MRTFA: variants seen among roughly 807,000 people sequenced by gnomAD.
MRTFA encodes myocardin-related transcription factor A.
A neutral mutation model predicts 83.5 loss-of-function variants in MRTFA; 20 were observed. The ratio of observed to expected loss-of-function variants is 0.24; its 90% confidence interval spans 0.17 to 0.35. The LOEUF is 0.35. MRTFA is among the 10% of genes least tolerant of loss of function. The pLI is 1.00. For missense variants in MRTFA, 1,200 were observed against 1,224.7 expected (o/e 0.98, Z 0.30); for synonymous variants, 659 against 541.2 (o/e 1.22, Z -3.02).
At chr22:40,480,594 T>C (rs1297434194) in intron 3 of MRTFA, among the ~76,000 whole-genome samples, 1 of 152,078 alleles carries the variant, frequency 6.6e-6, no homozygotes, top group Non-Finnish European at 1.5e-5. Flanking sequence ...AAAACAATGC[T>C]TATGTTCTAA....
chr22:40,426,251 G>A (rs1168627020), intron 7 of MRTFA, among the ~76,000 whole-genome samples: 1 of 151,848 alleles, frequency 6.6e-6, no homozygotes, highest in Non-Finnish European at 1.5e-5. Context: ...TGCCTCTCCT[G>A]AGCCAAACCT....
At chr22:40,555,674 T>G (rs2055511346) in intron 2 of MRTFA, among the ~76,000 whole-genome samples, 1 of 151,668 alleles carries the variant, frequency 6.6e-6, no homozygotes, top group South Asian at 2.1e-4. Context: ...TCTCGCTCTG[T>G]TGCCCAGCCT....
chr22:40,511,275 C>T (rs1031479957), intron 3 of MRTFA, among the ~76,000 whole-genome samples: 7 of 151,998 alleles, frequency 4.6e-5, no homozygotes, highest in African/African-American at 7.3e-5. Context: ...ACAAGTACAA[C>T]AAGAAAGGAG....
chr22:40,502,363 C>A (rs1270882743), intron 3 of MRTFA, among the ~76,000 whole-genome samples: 1 of 110,970 alleles, frequency 9.0e-6, no homozygotes, highest in South Asian at 3.4e-4. Context: ...CGGGCAGAGA[C>A]GCTCCTCACC....
chr22:40,471,037 C>G (rs984709528), intron 3 of MRTFA, among the ~76,000 whole-genome samples: 2 of 151,502 alleles, frequency 1.3e-5, no homozygotes, highest in Non-Finnish European at 2.9e-5. Flanking sequence ...AATTGATAAA[C>G]CTTTACCTAG....
At chr22:40,587,471 G>A in intron 2 of MRTFA, 2 of 328,954 alleles carry the variant, frequency 6.1e-6, no homozygotes, top group South Asian at 5.1e-5. Flanking sequence ...GCCCTTTTTT[G>A]TATCACTCCA....
chr22:40,423,423 G>A lies in MRTFA; in HGVS notation c.927+113C>T, dbSNP rs761295511. On this transcript the variant is annotated intron_variant, in intron 9 of 14. Coordinates refer to ENST00000355630, the MANE Select transcript of MRTFA (RefSeq NM_020831.6). ...ACGGGAAGAAACTCCCAGACCAATGGGAGAAGACACGCACCACACCCTCTA... is the reference window on the plus strand; with the variant it reads ...ACGGGAAGAAACTCCCAGACCAATGAGAGAAGACACGCACCACACCCTCTA... 43 of 1,004,030 alleles carry A rather than the reference G, an allele frequency of 4.3e-5. No individual in the cohort carries two copies. In the Middle Eastern group the frequency reaches 1.1e-3, roughly 25 times the overall value. The allele number at this position is 1,004,030 out of a possible 1,614,324, so 62.2% of individuals were successfully genotyped here.
chr22:40,519,129 A>G (rs779504589), intron 3 of MRTFA, among the ~76,000 whole-genome samples: 1 of 151,714 alleles, frequency 6.6e-6, no homozygotes, highest in Non-Finnish European at 1.5e-5. Context: ...CTCCTGCATG[A>G]TCTCTTTTAA....
intron 1 of MRTFA, among the ~76,000 whole-genome samples, chr22:40,618,749 A>C (rs1435486451): frequency 6.6e-6 from 1 of 152,060 alleles, no homozygotes; most frequent in Non-Finnish European, 1.5e-5. Flanking sequence ...AGATCACTTG[A>C]GGTCAGGAAT....
chr22:40,557,633 T>C (rs922552852), intron 2 of MRTFA, among the ~76,000 whole-genome samples: 2 of 152,058 alleles, frequency 1.3e-5, no homozygotes, highest in African/African-American at 4.8e-5. Context: ...AAATAGTTTT[T>C]AAAAATTTTA....
intron 8 of MRTFA, 67 bp downstream of exon 8, chr22:40,424,139 G>C: frequency 6.8e-7 from 1 of 1,464,524 alleles, no homozygotes; most frequent in Non-Finnish European, 9.0e-7. Context: ...TGGCCCAGGA[G>C]AGAGACCTTA....
At chr22:40,464,477 C>G (rs1199546595) in intron 3 of MRTFA, among the ~76,000 whole-genome samples, 1 of 151,068 alleles carries the variant, frequency 6.6e-6, no homozygotes, top group Non-Finnish European at 1.5e-5. Context: ...CCACTGCACT[C>G]CAGCCTGGGC....
Position 40,578,606 on chromosome 22 carries a change from C to G in MRTFA, c.-22+16068G>C, listed in dbSNP as rs550709835. Among the ~76,000 whole-genome samples, 188 of 152,108 alleles carry G rather than the reference C, an allele frequency of 1.2e-3. 1 individual carries two copies. Among genetic ancestry groups the G allele is most frequent in the African/African-American group, 4.4e-3 (182 of 41,502 alleles). ...ATGTAGTGAGACCCCACTCCATTCT[C>G]TCAAAATTTTTTTTTAGAAAAGTAG... On this transcript the variant is annotated intron_variant, in intron 2 of 14. Transcript: ENST00000355630.
Position 40,424,496 on chromosome 22 carries a change from G to A in MRTFA, c.602-115C>T, listed in dbSNP as rs565632057. 35 of 1,123,246 alleles carry A rather than the reference G, an allele frequency of 3.1e-5. 1 individual carries two copies. The highest frequency in any genetic ancestry group is 1.8e-4 in the South Asian group (12 of 68,262). The allele number at this position is 1,123,246 out of a possible 1,614,324, so 69.6% of individuals were successfully genotyped here. On this transcript the variant is annotated intron_variant, in intron 7 of 14. Coordinates refer to ENST00000355630, the MANE Select transcript of MRTFA (RefSeq NM_020831.6). Reference sequence around the variant, plus strand: ...GCCTGGCCCACAGCCCACATGCCCCGTGAGGCAGGCAAGCCGAGGAGACTA... The same window carrying A: ...GCCTGGCCCACAGCCCACATGCCCCATGAGGCAGGCAAGCCGAGGAGACTA...
At chr22:40,626,991 T>G (rs1384791202) in intron 1 of MRTFA, among the ~76,000 whole-genome samples, 1 of 152,026 alleles carries the variant, frequency 6.6e-6, no homozygotes, top group Non-Finnish European at 1.5e-5. Context: ...AGGACAACTT[T>G]CCAAGTTCCT....
At chr22:40,530,548 C>T (rs2055060234) in intron 3 of MRTFA, among the ~76,000 whole-genome samples, 1 of 152,260 alleles carries the variant, frequency 6.6e-6, no homozygotes, top group Non-Finnish European at 1.5e-5. Flanking sequence ...CCACCTGCCT[C>T]GGCTTCCTAA....
intron 3 of MRTFA, among the ~76,000 whole-genome samples, chr22:40,471,813 A>G (rs1851743296): frequency 6.6e-6 from 1 of 152,196 alleles, no homozygotes; most frequent in South Asian, 2.1e-4. Context: ...TCGAGGCTGT[A>G]GTGAGCTGAG....
At position 40,424,469 on chromosome 22, in the gene MRTFA, G is replaced by A. The variant is rs866833985; in HGVS notation, c.602-88C>T. ...GCCTGGCTCGCAGGCCACAGGCAGA[G>A]TGCCTGGCCCACAGCCCACATGCCC... is the stretch of plus-strand genomic sequence containing the variant. On this transcript the variant is annotated intron_variant, in intron 7 of 14. Transcript: ENST00000355630. 5.5e-5 allele frequency: 77 copies of A among 1,408,268 alleles called. No individual in the cohort carries two copies. In the Middle Eastern group the frequency reaches 7.9e-4, roughly 14 times the overall value. 87.2% of individuals were successfully genotyped at this position (1,408,268 alleles called of 1,614,324 possible).
At chr22:40,510,342 G>A (rs1218252599) in intron 3 of MRTFA, among the ~76,000 whole-genome samples, 1 of 152,124 alleles carries the variant, frequency 6.6e-6, no homozygotes, top group Admixed American at 6.6e-5. Flanking sequence ...ACTTCTCGGT[G>A]AAGGAATATA....
Sources: gnomAD v4.1 joint callset for allele counts (sites outside exome capture counted in the v4.1 genomes callset) on GRCh38, gnomAD v4.1.1 for gene constraint, MANE v1.5 for transcripts, NCBI Gene and HGNC (gene_info 2026-07-23, HGNC 2026-07-21) for gene names.